TICAM1: variants seen among roughly 807,000 people sequenced by gnomAD.
TICAM1 encodes the protein TIR domain containing adaptor molecule 1.
For missense variants in TICAM1, 895 were observed against 938.2 expected (o/e 0.95, Z 0.60); for synonymous variants, 439 against 415.4 (o/e 1.06, Z -0.69).
chr19:4,817,789 T>C lies in TICAM1; in HGVS notation c.589A>G (p.Thr197Ala), dbSNP rs756897138. Reference sequence around the variant, plus strand: ...CTGGCCAGGGAGGCAGGGCTGCCAGTGGATCGCAGGGAGCACCCTTGGCTC... The same window carrying C: ...CTGGCCAGGGAGGCAGGGCTGCCAGCGGATCGCAGGGAGCACCCTTGGCTC... ...DWSQGCSLRS[T>A]GSPASLASNL... Residue 197 changes from threonine to alanine, a missense_variant, in exon 2 of 2, where the codon ACT becomes GCT. By Grantham distance (58) the Thr-to-Ala change is moderately conservative. Coordinates refer to ENST00000248244, the MANE Select transcript of TICAM1 (RefSeq NM_182919.4). The surrounding 1 kb of genome is among the most constrained non-coding windows in gnomAD (Gnocchi z 4.7). 1 of 1,599,750 alleles carries C rather than the reference T, an allele frequency of 6.3e-7. No homozygotes were observed. The highest frequency in any genetic ancestry group is 1.1e-5 in the South Asian group (1 of 89,830).
At position 4,818,876 on chromosome 19, in the gene TICAM1, G is replaced by A. The variant is rs1163464046; in HGVS notation, c.-139-360C>T. ...TGTAATCCCAGCAGTTGTGGAGGCC[G>A]AGGCGGGGGGATCACCTGAGGTCAG... is the stretch of plus-strand genomic sequence containing the variant. On this transcript the variant is annotated intron_variant, in intron 1 of 1. Transcript: ENST00000248244. The surrounding 1 kb of genome is among the most constrained non-coding windows in gnomAD (Gnocchi z 4.0). 6.6e-6 allele frequency among the ~76,000 whole-genome samples: 1 copy of A among 152,132 alleles called. No individual in the cohort carries two copies. The highest frequency in any genetic ancestry group is 2.4e-5 in the African/African-American group (1 of 41,424).
chr19:4,827,069 G>A (rs1221608779), intron 1 of TICAM1, among the ~76,000 whole-genome samples: 2 of 151,784 alleles, frequency 1.3e-5, no homozygotes, highest in African/African-American at 2.4e-5. Flanking sequence ...AAGGCCAGAC[G>A]GCCGGGCGCA....
intron 1 of TICAM1, among the ~76,000 whole-genome samples, chr19:4,823,420 G>T (rs1599146115): frequency 6.8e-6 from 1 of 147,258 alleles, no homozygotes; most frequent in African/African-American, 2.5e-5. Context: ...AGCCAAGATA[G>T]CGCCACTGCA....
Position 4,817,835 on chromosome 19 carries a change from G to A in TICAM1, c.543C>T (p.Pro181=). ...GGCTCCAGTCCGAAACACCGTCAAT[G>A]GGGCGTGGGAGGCTCCTGGTCCCAG... is the stretch of plus-strand genomic sequence containing the variant. ...LPSGTRSLPR[P]IDGVSDWSQG... The change falls in exon 2 of 2, where the codon CCC becomes CCT. Residue 181 remains proline, a synonymous_variant. Transcript: ENST00000248244. The surrounding 1 kb of genome is among the most constrained non-coding windows in gnomAD (Gnocchi z 4.7). 6.2e-7 allele frequency: 1 copy of A among 1,608,850 alleles called. No individual in the cohort carries two copies.
intron 1 of TICAM1, among the ~76,000 whole-genome samples, chr19:4,821,595 C>T (rs997137147): frequency 2.0e-5 from 3 of 152,064 alleles, no homozygotes; most frequent in Non-Finnish European, 4.4e-5. Context: ...CTGTCCTGAT[C>T]CCACCGTGCA....
Position 4,818,486 on chromosome 19 carries a change from T to G in TICAM1, c.-109A>C. 3 of 1,444,796 alleles carry G rather than the reference T, an allele frequency of 2.1e-6. No homozygotes were observed. In the African/African-American group the frequency reaches 4.3e-5, roughly 21 times the overall value. 89.5% of individuals were successfully genotyped at this position (1,444,796 alleles called of 1,614,324 possible). A position where few individuals can be genotyped will look rare whatever the true frequency, so the allele number is the denominator to read the frequency against. On this transcript the variant is annotated 5_prime_UTR_variant, in exon 2 of 2. Coordinates refer to ENST00000248244, the MANE Select transcript of TICAM1 (RefSeq NM_182919.4). This position sits in a 1 kb window ranked among gnomAD's most constrained non-coding sequence, Gnocchi z 4.0. The stretch of plus-strand genomic sequence containing the variant: ...CCAGTGTCCCCTACCCATTCACTGT[T>G]CCAGGTTCTGCAGGAGCTGCCCAAG...
chr19:4,818,476 C>T lies in TICAM1; in HGVS notation c.-99G>A, dbSNP rs10415015. The T allele has an allele frequency of 2.1e-6, 3 of 1,453,736 alleles. No individual in the cohort carries two copies. The highest frequency in any genetic ancestry group is 5.7e-5 in the Admixed American group (2 of 35,318). 90.1% of individuals were successfully genotyped at this position (1,453,736 alleles called of 1,614,324 possible). On this transcript the variant is annotated 5_prime_UTR_variant, in exon 2 of 2. An upstream start codon of the reference 5' UTR is lost. Transcript: ENST00000248244. The surrounding 1 kb of genome is among the most constrained non-coding windows in gnomAD (Gnocchi z 4.0). ...TTCTGCACGCCCAGTGTCCCCTACCCATTCACTGTTCCAGGTTCTGCAGGA... is the reference window on the plus strand; with the variant it reads ...TTCTGCACGCCCAGTGTCCCCTACCTATTCACTGTTCCAGGTTCTGCAGGA...
At chr19:4,824,495 C>T (rs941453878) in intron 1 of TICAM1, among the ~76,000 whole-genome samples, 82 of 151,676 alleles carry the variant, frequency 5.4e-4, no homozygotes, top group Non-Finnish European at 1.8e-4. Flanking sequence ...CCACTATGCC[C>T]GGCTAATTTT....
intron 1 of TICAM1, among the ~76,000 whole-genome samples, chr19:4,827,068 C>T (rs559047275): frequency 6.5e-4 from 99 of 151,850 alleles, no homozygotes; most frequent in African/African-American, 2.2e-3. Flanking sequence ...AAAGGCCAGA[C>T]GGCCGGGCGC....
At chr19:4,820,711 TA>T (rs1350800892) in intron 1 of TICAM1, among the ~76,000 whole-genome samples, 1 of 146,064 alleles carries the variant, frequency 6.8e-6, no homozygotes, top group Non-Finnish European at 1.5e-5. Flanking sequence ...AAAAGAAAAA[TA>T]AAAAAAATAA....
Position 4,826,432 on chromosome 19 carries a change from C to T in TICAM1, c.-140+5182G>A, listed in dbSNP as rs528869498. 1.1e-4 allele frequency among the ~76,000 whole-genome samples: 16 copies of T among 152,188 alleles called. No homozygotes were observed. In the South Asian group the frequency reaches 3.3e-3, roughly 32 times the overall value. ...CTCTGCCTCCCAGGTTCAAGCGATT[C>T]TCTTGCCTCAGCCTTCCGGGTAGCT... is the stretch of plus-strand genomic sequence containing the variant. On this transcript the variant is annotated intron_variant, in intron 1 of 1. Transcript: ENST00000248244.
Position 4,818,361 on chromosome 19 carries a change from G to A in TICAM1, c.17C>T (p.Pro6Leu). 1 of 1,601,044 alleles carries A rather than the reference G, an allele frequency of 6.2e-7. No homozygotes were observed. The highest frequency in any genetic ancestry group is 1.1e-5 in the South Asian group (1 of 89,454). MACTGPSLPSAFDILG... is the reference protein window; with the variant it reads MACTGLSLPSAFDILG... ...AATGTCGAAGGCGCTAGGAAGTGAT[G>A]GGCCTGTGCAGGCCATGGGCACAGG... is the stretch of plus-strand genomic sequence containing the variant. The change falls in exon 2 of 2, where the codon CCA becomes CTA. Residue 6 changes from proline to leucine, a missense_variant. Physicochemically the swap from Pro to Leu is moderately conservative, Grantham distance 98 (BLOSUM62 -3). Transcript: ENST00000248244. This position sits in a 1 kb window ranked among gnomAD's most constrained non-coding sequence, Gnocchi z 4.0.
At chr19:4,831,114 G>A (rs2093613058) in intron 1 of TICAM1, among the ~76,000 whole-genome samples, 1 of 151,598 alleles carries the variant, frequency 6.6e-6, no homozygotes, top group African/African-American at 2.4e-5. Flanking sequence ...GGGTGTTGGG[G>A]AAGAATCCAG....
At chr19:4,830,612 C>T (rs972293721) in intron 1 of TICAM1, among the ~76,000 whole-genome samples, 5 of 152,196 alleles carry the variant, frequency 3.3e-5, no homozygotes, top group African/African-American at 1.2e-4. Context: ...AAGGCAGGCA[C>T]ATCTACCCTC....
intron 1 of TICAM1, among the ~76,000 whole-genome samples, chr19:4,823,190 C>A (rs939824457): frequency 6.6e-6 from 1 of 151,880 alleles, no homozygotes; most frequent in African/African-American, 2.4e-5. Context: ...CATGGCCAGG[C>A]GCAGTGGCTC....
At position 4,817,432 on chromosome 19, in the gene TICAM1, AG is replaced by A. The variant is rs1386947221; in HGVS notation, c.945del (p.Leu316CysfsTer23). The A allele has an allele frequency of 6.2e-7, 1 of 1,614,084 alleles. No homozygotes were observed. The highest frequency in any genetic ancestry group is 2.2e-5 in the East Asian group (1 of 44,872). On this transcript the variant is annotated frameshift_variant, in exon 2 of 2. Coordinates refer to ENST00000248244, the MANE Select transcript of TICAM1 (RefSeq NM_182919.4). LOFTEE classifies it low-confidence loss of function (END_TRUNC). The surrounding 1 kb of genome is among the most constrained non-coding windows in gnomAD (Gnocchi z 4.7). ...TEGSAGPQSL[P>X]LPILEPVKNP... ...TTTTTGACCGGCTCCAGAATAGGCA[AG>A]GGGAGAGACTGGGGGCCTGCAGACC...
Position 4,817,504 on chromosome 19 carries a change from C to G in TICAM1, c.874G>C (p.Ala292Pro), listed in dbSNP as rs200901007. 1.2e-6 allele frequency: 2 copies of G among 1,613,846 alleles called. No homozygotes were observed. The highest frequency in any genetic ancestry group is 1.7e-4 in the Middle Eastern group (1 of 6,018). ...TAGTTGGTGCTGGTTTCTGGAGCTGCGGGGGTATCAGGGAGGCCAGTGGAG... is the reference window on the plus strand; with the variant it reads ...TAGTTGGTGCTGGTTTCTGGAGCTGGGGGGGTATCAGGGAGGCCAGTGGAG... ...ATSTGLPDTPAAPETSTNYPV... is the reference protein window; with the variant it reads ...ATSTGLPDTPPAPETSTNYPV... Residue 292 changes from alanine to proline, a missense_variant, in exon 2 of 2, where the codon GCA (alanine) becomes CCA (proline). Transcript: ENST00000248244. This position sits in a 1 kb window ranked among gnomAD's most constrained non-coding sequence, Gnocchi z 4.7.
At position 4,825,491 on chromosome 19, in the gene TICAM1, G is replaced by T. The variant is rs148574911; in HGVS notation, c.-140+6123C>A. On this transcript the variant is annotated intron_variant, in intron 1 of 1. Coordinates refer to ENST00000248244, the MANE Select transcript of TICAM1 (RefSeq NM_182919.4). ...CCACCTTGGCCTCCCAAAGTGTTGG[G>T]ATTACAGGCGTGAGCCACCGCGGCC... Among the ~76,000 whole-genome samples the T allele has an allele frequency of 7.3e-3, 1,115 of 151,888 alleles. 8 individuals carry two copies. Among genetic ancestry groups the T allele is most frequent in the Non-Finnish European group, 9.9e-3 (676 of 67,946 alleles).
chr19:4,827,196 C>CA (rs2093606684), intron 1 of TICAM1, among the ~76,000 whole-genome samples: 1 of 150,528 alleles, frequency 6.6e-6, no homozygotes, highest in African/African-American at 2.4e-5. Context: ...ACTAAAAATA[C>CA]AAAAATTAGC....
Sources: allele counts gnomAD v4.1 joint callset (sites outside exome capture counted in the v4.1 genomes callset), GRCh38; gene constraint gnomAD v4.1.1; non-coding constraint Gnocchi (gnomAD v3.1); transcripts MANE v1.5; gene names NCBI Gene and HGNC (gene_info 2026-07-23, HGNC 2026-07-21).